The following DGKB variants were observed in gnomAD, a reference collection of about 807,000 sequenced individuals.
DGKB encodes the protein 90 kDa diacylglycerol kinase.
In DGKB, 67 loss-of-function variants were observed where a neutral mutation model predicts 114.3. The ratio of observed to expected loss-of-function variants is 0.59; its 90% CI spans 0.48 to 0.72. The LOEUF (loss-of-function observed/expected upper bound fraction) is 0.72. DGKB is among the 30% of genes least tolerant of loss of function. DGKB has a pLI of 0.00. For missense variants in DGKB, 907 were observed against 975.2 expected (o/e 0.93, Z 0.93); for synonymous variants, 398 against 323.1 (o/e 1.23, Z -2.49).
chr7:14,505,540 CTT>C lies in DGKB; in HGVS notation c.1771-27317_1771-27316del, dbSNP rs1357359106. ...ACAGACTCACTTCTACCTTTCACAA[CTT>C]TGCTGCCTTGTGAAGGTTTTGAAAA... On this transcript the variant is annotated intron_variant, in intron 20 of 25. Transcript: ENST00000402815. Among the ~76,000 whole-genome samples the C allele has an allele frequency of 2.0e-5, 3 of 152,220 alleles. No individual in the cohort carries two copies. The East Asian group carries it at 5.8e-4, about 29-fold the overall frequency.
At chr7:14,338,842 C>T in intron 22 of DGKB, 132 bp from the exon 23 acceptor site, 1 of 530,730 alleles carries the variant, frequency 1.9e-6, no homozygotes, top group Non-Finnish European at 3.0e-6. Context: ...ACAAGCCTTT[C>T]AAGAACACTT....
intron 20 of DGKB, among the ~76,000 whole-genome samples, chr7:14,571,989 C>CA: frequency 6.6e-6 from 1 of 152,030 alleles, no homozygotes; most frequent in Middle Eastern, 3.4e-3. Flanking sequence ...CAGTATTCAA[C>CA]AAAAAACGAG....
At chr7:14,192,002 G>C (rs546426787) in intron 23 of DGKB, 3 of 544,390 alleles carry the variant, frequency 5.5e-6, no homozygotes, top group East Asian at 5.7e-5. Context: ...CCTGTGTTGA[G>C]AGCTTTTCTG....
chr7:14,455,030 A>T (rs1832071141), intron 21 of DGKB, among the ~76,000 whole-genome samples: 1 of 152,044 alleles, frequency 6.6e-6, no homozygotes, highest in Non-Finnish European at 1.5e-5. Flanking sequence ...TTCATATGAC[A>T]TCAGAAGTGT....
At chr7:14,413,197 G>A (rs1044070316) in intron 21 of DGKB, among the ~76,000 whole-genome samples, 1 of 151,986 alleles carries the variant, frequency 6.6e-6, no homozygotes, top group Non-Finnish European at 1.5e-5. Context: ...ACAAGGACAT[G>A]AGAATGAAAA....
At chr7:14,378,727 C>G (rs1344931069) in intron 21 of DGKB, among the ~76,000 whole-genome samples, 2 of 152,040 alleles carry the variant, frequency 1.3e-5, no homozygotes, top group Non-Finnish European at 2.9e-5. Flanking sequence ...AGGTCTGCAG[C>G]AGGACATATA....
intron 21 of DGKB, among the ~76,000 whole-genome samples, chr7:14,369,728 G>C (rs897719687): frequency 3.3e-5 from 5 of 152,160 alleles, no homozygotes; most frequent in African/African-American, 1.2e-4. Flanking sequence ...CTTTTGAGAA[G>C]TGTCTGTTCA....
At chr7:14,659,353 C>T (rs916844758) in intron 13 of DGKB, among the ~76,000 whole-genome samples, 2 of 152,028 alleles carry the variant, frequency 1.3e-5, no homozygotes, top group African/African-American at 4.8e-5. Flanking sequence ...ATTGATTCTT[C>T]CTACCCATGA....
intron 5 of DGKB, among the ~76,000 whole-genome samples, chr7:14,734,275 G>A (rs1244048616): frequency 6.6e-6 from 1 of 151,634 alleles, no homozygotes; most frequent in African/African-American, 2.4e-5. Flanking sequence ...TCCTGACCTT[G>A]TGATCTGTCC....
intron 17 of DGKB, among the ~76,000 whole-genome samples, chr7:14,603,309 T>A (rs1056796201): frequency 3.9e-5 from 6 of 152,094 alleles, no homozygotes; most frequent in Non-Finnish European, 8.8e-5. Flanking sequence ...CACTTTTATA[T>A]TAGTAAAGAA....
intron 1 of DGKB, among the ~76,000 whole-genome samples, chr7:14,880,669 A>C (rs217572): frequency 0.11 from 16,300 of 152,224 alleles, 1,246 homozygotes; most frequent in Middle Eastern, 0.17. Flanking sequence ...ATAATAACTT[A>C]TAATTATTCG....
chr7:14,567,264 T>A (rs1318395280), intron 20 of DGKB, among the ~76,000 whole-genome samples: 31 of 46,094 alleles, frequency 6.7e-4, no homozygotes, highest in Non-Finnish European at 9.0e-4. Context: ...ATTTATATAT[T>A]ATATATATAA....
intron 23 of DGKB, among the ~76,000 whole-genome samples, chr7:14,207,747 C>T (rs539333816): frequency 6.6e-6 from 1 of 151,986 alleles, no homozygotes; most frequent in African/African-American, 2.4e-5. Context: ...AGGTGGCAAC[C>T]TTTTTTTACT....
intron 1 of DGKB, among the ~76,000 whole-genome samples, chr7:14,931,258 T>C (rs144747440): frequency 0.017 from 2,607 of 152,040 alleles, 61 homozygotes; most frequent in African/African-American, 0.059. Context: ...ATTACAGGCG[T>C]GCGCCTCCAA....
intron 23 of DGKB, among the ~76,000 whole-genome samples, chr7:14,304,990 C>T (rs2128494474): frequency 6.6e-6 from 1 of 152,118 alleles, no homozygotes; most frequent in Admixed American, 6.6e-5. Flanking sequence ...GAGATTGCCA[C>T]CATTTAAAAA....
intron 4 of DGKB, among the ~76,000 whole-genome samples, chr7:14,744,708 C>G (rs925859367): frequency 6.6e-6 from 1 of 152,170 alleles, no homozygotes; most frequent in Non-Finnish European, 1.5e-5. Context: ...AGACTGAAGT[C>G]TATTTTGCAA....
intron 19 of DGKB, among the ~76,000 whole-genome samples, chr7:14,575,889 T>C (rs1799052466): frequency 6.6e-6 from 1 of 152,192 alleles, no homozygotes; most frequent in Admixed American, 6.6e-5. Flanking sequence ...ACAGGCACTC[T>C]CATATACCAA....
chr7:14,291,202 C>T (rs780378888), intron 23 of DGKB, among the ~76,000 whole-genome samples: 13 of 147,378 alleles, frequency 8.8e-5, no homozygotes, highest in Non-Finnish European at 1.6e-4. Flanking sequence ...TGAGCTATGA[C>T]GTAAGTAAGG....
At chr7:14,950,853 T>C (rs1398135943) in intron 1 of DGKB, among the ~76,000 whole-genome samples, 3 of 132,640 alleles carry the variant, frequency 2.3e-5, no homozygotes, top group East Asian at 8.7e-4. Context: ...AACTAGATAC[T>C]AGCAAATCAA....
Sources: allele counts gnomAD v4.1 joint callset (sites outside exome capture counted in the v4.1 genomes callset), GRCh38; gene constraint gnomAD v4.1.1; transcripts MANE v1.5; gene names NCBI Gene and HGNC (gene_info 2026-07-23, HGNC 2026-07-21).